The following PI4KA variants were observed in gnomAD, a reference collection of about 807,000 sequenced individuals.
PI4KA encodes the protein PI4-kinase alpha.
Under a neutral mutation model 271.4 loss-of-function variants are expected in PI4KA, and 122 were observed. The observed-to-expected ratio is 0.45, with a 90% confidence interval of 0.39 to 0.52. The LOEUF (loss-of-function observed/expected upper bound fraction) is 0.52. Among genes scored for constraint, PI4KA ranks in the 20% least tolerant of loss-of-function variants. The probability of loss-of-function intolerance (pLI) is 0.00; values close to 1 mark genes in which losing one functional copy is unlikely to be tolerated. For missense variants in PI4KA, 1,969 were observed against 2,769.1 expected (o/e 0.71, Z 6.48); for synonymous variants, 1,041 against 1,078.8 (o/e 0.96, Z 0.69).
chr22:20,803,390 G>A (rs756196201), intron 12 of PI4KA, 70 bp from the exon 13 acceptor site: 1 of 1,584,166 alleles, frequency 6.3e-7, no homozygotes, highest in Non-Finnish European at 8.7e-7. Flanking sequence ...TGAGCAGGGA[G>A]GTGCTCAACC....
At chr22:20,736,254 G>A (rs1164584869) in intron 32 of PI4KA, among the ~76,000 whole-genome samples, 1 of 151,646 alleles carries the variant, frequency 6.6e-6, no homozygotes, top group Non-Finnish European at 1.5e-5. Context: ...GCCCAGGAGG[G>A]CAGCTTCAAA....
intron 1 of PI4KA, among the ~76,000 whole-genome samples, 180 bp from the exon 2 acceptor site, chr22:20,838,911 T>C (rs1601600981): frequency 6.6e-6 from 1 of 152,210 alleles, no homozygotes; most frequent in East Asian, 1.9e-4. Context: ...ACCCTATCTC[T>C]TAAATAAATA....
chr22:20,828,875 G>A (rs1923791214), intron 3 of PI4KA, among the ~76,000 whole-genome samples: 1 of 152,090 alleles, frequency 6.6e-6, no homozygotes, highest in Non-Finnish European at 1.5e-5. Flanking sequence ...TTAACATGAA[G>A]GGATATTGAA....
chr22:20,728,655 A>G (rs188006967), intron 39 of PI4KA, among the ~76,000 whole-genome samples: 1 of 152,304 alleles, frequency 6.6e-6, no homozygotes, highest in Admixed American at 6.5e-5. Flanking sequence ...GTGCTTTGAG[A>G]CAATGCAGAG....
rs990639127 is a variant in PI4KA, at chr22:20,765,097, T to C, written c.2574+3A>G. Reference sequence around the variant, plus strand: ...ATGGTAAAAATGAGATGTGAATCCTTACGGGGGTGACCGTGTCATTCTTCA... The same window carrying C: ...ATGGTAAAAATGAGATGTGAATCCTCACGGGGGTGACCGTGTCATTCTTCA... On this transcript the variant is annotated splice_donor_region_variant and intron_variant, in intron 21 of 54. Coordinates refer to ENST00000255882, the MANE Select transcript of PI4KA (RefSeq NM_058004.4). 6.2e-7 allele frequency: 1 copy of C among 1,611,572 alleles called. No individual in the cohort carries two copies.
At chr22:20,801,706 C>T (rs1310091806) in intron 14 of PI4KA, among the ~76,000 whole-genome samples, 3 of 151,364 alleles carry the variant, frequency 2.0e-5, no homozygotes, top group Non-Finnish European at 2.9e-5. Context: ...CAACGTGGTG[C>T]AACCCCATCT....
Position 20,741,852 on chromosome 22 carries a change from C to T in PI4KA, c.3741+376G>A, listed in dbSNP as rs563002528. Among the ~76,000 whole-genome samples the T allele has an allele frequency of 5.3e-5, 8 of 152,260 alleles. 1 individual carries two copies. In the East Asian group the frequency reaches 5.8e-4, roughly 11 times the overall value. On this transcript the variant is annotated intron_variant, in intron 32 of 54. Transcript: ENST00000255882. ...CCCTGCAGTAGCAACTCCAGAAATA[C>T]GGATGCAGGGAAAGGGGGCTGATCC...
intron 22 of PI4KA, among the ~76,000 whole-genome samples, chr22:20,764,277 G>GAC (rs1291947725): frequency 6.6e-6 from 1 of 152,180 alleles, no homozygotes; most frequent in African/African-American, 2.4e-5. Context: ...GTACAGCACA[G>GAC]ACACTCAATC....
chr22:20,723,645 A>G (rs1006545291), intron 42 of PI4KA, among the ~76,000 whole-genome samples: 1 of 151,796 alleles, frequency 6.6e-6, no homozygotes, highest in Admixed American at 6.5e-5. Context: ...AGCCTGGCAA[A>G]CATGGTGAAA....
intron 3 of PI4KA, among the ~76,000 whole-genome samples, chr22:20,832,035 C>T (rs1468737751): frequency 6.6e-6 from 1 of 151,262 alleles, no homozygotes; most frequent in Non-Finnish European, 1.5e-5. Context: ...TTATTTTTGT[C>T]TGAGTTATTT....
chr22:20,797,523 G>T (rs1470125945), intron 17 of PI4KA, among the ~76,000 whole-genome samples: 1 of 152,196 alleles, frequency 6.6e-6, no homozygotes, highest in Non-Finnish European at 1.5e-5. Flanking sequence ...AGGAGAGCCT[G>T]ACCCCATCCC....
Position 20,742,315 on chromosome 22 carries a change from G to T in PI4KA, c.3654C>A (p.Pro1218=). ...PQLLHHLCWG[P]LRMFNEHGME... is the part of the protein sequence containing the mutation. ...TGCCATGCTCATTGAACATCCGGAG[G>T]GGACCCCAGCACAGATGATGAAGGA... Residue 1218 remains proline, a synonymous_variant, in exon 32 of 55, where the codon CCC becomes CCA. Transcript: ENST00000255882. The T allele has an allele frequency of 6.2e-7, 1 of 1,614,182 alleles. No individual in the cohort carries two copies. The highest frequency in any genetic ancestry group is 8.5e-7 in the Non-Finnish European group (1 of 1,180,028).
intron 9 of PI4KA, among the ~76,000 whole-genome samples, chr22:20,810,322 C>T (rs1231492874): frequency 2.0e-5 from 3 of 151,962 alleles, no homozygotes; most frequent in African/African-American, 4.8e-5. Context: ...CTGGCTAACA[C>T]GGTAAAACCC....
chr22:20,732,993 G>C lies in PI4KA; in HGVS notation c.4266C>G (p.Thr1422=), dbSNP rs138454247. 6.2e-7 allele frequency: 1 copy of C among 1,610,020 alleles called. No individual in the cohort carries two copies. Among genetic ancestry groups the C allele is most frequent in the Non-Finnish European group, 8.5e-7 (1 of 1,178,222 alleles). The change falls in exon 36 of 55, where the codon ACC becomes ACG. Residue 1422 remains threonine, a synonymous_variant. Coordinates refer to ENST00000255882, the MANE Select transcript of PI4KA (RefSeq NM_058004.4). ...TAMFSDKKYL[T]ASQLVPPDNQ... ...TACCTGGGGGAACAAGCTGGCTGGC[G>C]GTCAGGTACTTCTTATCTGAGAACA...
chr22:20,802,186 A>G, intron 13 of PI4KA, 81 bp from the exon 14 acceptor site: 1 of 1,283,936 alleles, frequency 7.8e-7, no homozygotes, highest in Non-Finnish European at 1.1e-6. Context: ...AAACCAAGAT[A>G]ATATGCTGAT....
intron 1 of PI4KA, among the ~76,000 whole-genome samples, chr22:20,853,840 G>A (rs1031355248): frequency 4.0e-5 from 6 of 151,886 alleles, no homozygotes; most frequent in African/African-American, 1.5e-4. Flanking sequence ...TTTGGGAGGC[G>A]AAGGCAGGAG....
intron 23 of PI4KA, among the ~76,000 whole-genome samples, chr22:20,759,402 CTTTTTTTTTTT>C (rs886192073): frequency 1.9e-5 from 2 of 102,900 alleles, no homozygotes; most frequent in African/African-American, 7.5e-5. Flanking sequence ...CTTTTCTTTT[CTTTTTTTTTTT>C]TTTTTTTTTT....
At chr22:20,804,041 T>C (rs1012321714) in intron 12 of PI4KA, among the ~76,000 whole-genome samples, 1 of 152,204 alleles carries the variant, frequency 6.6e-6, no homozygotes, top group African/African-American at 2.4e-5. Flanking sequence ...GCCTTGGGAA[T>C]GGCCCCCAGC....
intron 39 of PI4KA, among the ~76,000 whole-genome samples, chr22:20,728,293 C>T (rs1033330252): frequency 2.0e-5 from 3 of 152,072 alleles, no homozygotes; most frequent in East Asian, 3.8e-4. Context: ...AGCCAGGTGA[C>T]GGCTAAATGT....
Sources: gnomAD v4.1 joint callset for allele counts (sites outside exome capture counted in the v4.1 genomes callset) on GRCh38, gnomAD v4.1.1 for gene constraint, MANE v1.5 for transcripts, NCBI Gene and HGNC (gene_info 2026-07-23, HGNC 2026-07-21) for gene names.